The following C6orf141 variants were observed in gnomAD, a reference collection of about 807,000 sequenced individuals.
C6orf141 encodes uncharacterized protein C6orf141.
For synonymous variants in C6orf141, 164 were observed against 140.5 expected, an observed-to-expected ratio of 1.17 and a Z score of -1.18; for missense variants, 361 against 335.8, an observed-to-expected ratio of 1.07 and a Z score of -0.59.
downstream of C6orf141, among the ~76,000 whole-genome samples, chr6:49,555,669 C>T (rs940214531): frequency 1.3e-5 from 2 of 152,118 alleles, no homozygotes; most frequent in Admixed American, 6.5e-5. Flanking sequence ...CCATCACGCC[C>T]GGCTAATTTT....
chr6:49,561,551 ATTATATATGAC>A (rs1212593439), intron 4 of C6orf141, among the ~76,000 whole-genome samples: 1 of 152,264 alleles, frequency 6.6e-6, no homozygotes, highest in Non-Finnish European at 1.5e-5. Flanking sequence ...CTATCCTGCC[ATTATATATGAC>A]TTATTTATGT....
downstream of C6orf141, among the ~76,000 whole-genome samples, chr6:49,552,724 C>T (rs1202402334): frequency 6.6e-6 from 1 of 152,224 alleles, no homozygotes; most frequent in African/African-American, 2.4e-5. Flanking sequence ...GATAAGATGC[C>T]CCTGTTTTAC....
At chr6:49,561,318 C>T (rs541061396) in intron 4 of C6orf141, among the ~76,000 whole-genome samples, 19 of 152,162 alleles carry the variant, frequency 1.2e-4, no homozygotes, top group Admixed American at 2.0e-4. Context: ...AGGCTGGTCT[C>T]AAACTCCTGA....
downstream of C6orf141, among the ~76,000 whole-genome samples, chr6:49,555,743 C>T (rs934996418): frequency 2.6e-5 from 4 of 152,166 alleles, no homozygotes; most frequent in Admixed American, 2.0e-4. Flanking sequence ...CTCCTGATCT[C>T]GTGATCTGTC....
Position 49,559,745 on chromosome 6 carries a change from T to C in C6orf141, c.*764-1959T>C, listed in dbSNP as rs149847084. Among the ~76,000 whole-genome samples, 88 of 152,266 alleles carry C rather than the reference T, an allele frequency of 5.8e-4. 2 individuals are homozygous for C. In the East Asian group the frequency reaches 0.017, roughly 29 times the overall value. ...ACAATTGGGTATCTTGAATTCAGCT[T>C]ACTTGGAAGAGGAAAAAGGAGGCAT... On this transcript the variant is annotated intron_variant and NMD_transcript_variant, in intron 4 of 4. Transcript: ENST00000371194.
intron 4 of C6orf141, among the ~76,000 whole-genome samples, chr6:49,557,841 G>A (rs746746773): frequency 6.6e-5 from 10 of 151,902 alleles, no homozygotes; most frequent in Admixed American, 1.3e-4. Flanking sequence ...CCCACCTTTT[G>A]TTTCAAAGGA....
At chr6:49,555,149 C>A (rs1305324146), downstream of C6orf141, 1 of 152,228 alleles carries the variant, frequency 6.6e-6, no homozygotes, top group Non-Finnish European at 1.5e-5. Flanking sequence ...GCATAACCCC[C>A]AGGATCAGGC....
Position 49,557,708 on chromosome 6 carries a change from G to A in C6orf141, c.*763+2551G>A, listed in dbSNP as rs1379261474. Among the ~76,000 whole-genome samples the A allele has an allele frequency of 2.6e-5, 4 of 151,888 alleles. No homozygotes were observed. In the East Asian group the frequency reaches 7.7e-4, roughly 29 times the overall value. ...CTCTAACTATCAGTCTCTGTGGGAG[G>A]GTGGAAGCCCAGCTTCTCAAAGTGC... On this transcript the variant is annotated intron_variant and NMD_transcript_variant, in intron 4 of 4. Coordinates refer to the C6orf141 transcript ENST00000371194.
downstream of C6orf141, among the ~76,000 whole-genome samples, chr6:49,555,489 C>T (rs1425196138): frequency 2.0e-5 from 3 of 149,502 alleles, no homozygotes; most frequent in Non-Finnish European, 4.4e-5. Flanking sequence ...AGAGACAGCA[C>T]CTTGCTATGT....
rs192162967 is a variant in C6orf141, at chr6:49,559,811, C to G, written c.*764-1893C>G. Among the ~76,000 whole-genome samples the G allele has an allele frequency of 5.9e-5, 9 of 152,274 alleles. No homozygotes were observed. The East Asian group carries it at 1.7e-3, about 29-fold the overall frequency. ...ATTTTTAACAAAGCGAGAGAACTTT[C>G]AGGGAGAACTTCGGAATGCAGTCAG... On this transcript the variant is annotated intron_variant and NMD_transcript_variant, in intron 4 of 4. Transcript: ENST00000371194.
chr6:49,561,870 T>C (rs1168634047), exon 5 of C6orf141: 1 of 151,502 alleles, frequency 6.6e-6, no homozygotes, highest in African/African-American at 2.4e-5. Flanking sequence ...GTTAATTTTT[T>C]TTAAACTAAG....
At chr6:49,553,045 C>T (rs1330735848), downstream of C6orf141, 1 of 152,310 alleles carries the variant, frequency 6.6e-6, no homozygotes, top group African/African-American at 2.4e-5. Flanking sequence ...GATGCTCCTA[C>T]CTCAGCCTCC....
chr6:49,560,373 G>A (rs1420703028), intron 4 of C6orf141, among the ~76,000 whole-genome samples: 4 of 152,178 alleles, frequency 2.6e-5, no homozygotes, highest in Non-Finnish European at 4.4e-5. Context: ...TTCTGTTGGA[G>A]TGGAAGAAGG....
intron 4 of C6orf141, among the ~76,000 whole-genome samples, chr6:49,558,856 C>T (rs557321562): frequency 8.6e-5 from 13 of 151,548 alleles, no homozygotes; most frequent in South Asian, 2.1e-4. Flanking sequence ...TACAGGTGCC[C>T]GCCACCATGC....
At chr6:49,558,771 G>C (rs1284963734) in intron 4 of C6orf141, among the ~76,000 whole-genome samples, 1 of 151,846 alleles carries the variant, frequency 6.6e-6, no homozygotes, top group Admixed American at 6.6e-5. Flanking sequence ...GCAGTGGCAC[G>C]ATCTTGGCTC....
chr6:49,560,170 C>T (rs1425806645), intron 4 of C6orf141, among the ~76,000 whole-genome samples: 1 of 152,060 alleles, frequency 6.6e-6, no homozygotes, highest in Non-Finnish European at 1.5e-5. Flanking sequence ...ACAAAATTAG[C>T]CAGATGCGGT....
Position 49,551,982 on chromosome 6 carries a change from A to G in C6orf141, c.*455A>G. 5.0e-6 allele frequency: 5 copies of G among 1,003,780 alleles called. No homozygotes were observed. Among genetic ancestry groups the G allele is most frequent in the Non-Finnish European group, 6.0e-6 (5 of 831,442 alleles). 62.2% of individuals were successfully genotyped at this position (1,003,780 alleles called of 1,614,324 possible). A position where few individuals can be genotyped will look rare whatever the true frequency, so the allele number is the denominator to read the frequency against. ...TAAAAGCCAAAAACAGAAAGTAAAA[A>G]GAAATGGGAAAGTAAAACCAAAGCA... On this transcript the variant is annotated 3_prime_UTR_variant, in exon 1 of 1. Coordinates refer to ENST00000529246, the MANE Select transcript of C6orf141 (RefSeq NM_001145652.2).
chr6:49,550,827 G>A lies in C6orf141; in HGVS notation c.35G>A (p.Gly12Glu), dbSNP rs1288790663. The A allele has an allele frequency of 2.0e-6, 3 of 1,475,556 alleles. No homozygotes were observed. The highest frequency in any genetic ancestry group is 2.7e-6 in the Non-Finnish European group (3 of 1,116,232). 91.4% of individuals were successfully genotyped at this position (1,475,556 alleles called of 1,614,324 possible). ...NDPFARMETR[G>E]PQGAANPMDS... ...CCTTTTGCCAGGATGGAGACCCGGG[G>A]GCCTCAGGGAGCTGCGAATCCCATG... Residue 12 changes from glycine to glutamate, a missense_variant, in exon 1 of 1, where the codon GGG (glycine) becomes GAG (glutamate). Coordinates refer to ENST00000529246, the MANE Select transcript of C6orf141 (RefSeq NM_001145652.2).
chr6:49,559,988 G>A lies in C6orf141; in HGVS notation c.*764-1716G>A, dbSNP rs759721549. On this transcript the variant is annotated intron_variant and NMD_transcript_variant, in intron 4 of 4. Coordinates refer to the C6orf141 transcript ENST00000371194. ...TTCTATCCTAACTGGGTGGAATAAC[G>A]TACAAAGTTACAAATGAAATAACCT... Among the ~76,000 whole-genome samples the A allele has an allele frequency of 2.6e-4, 39 of 152,128 alleles. 1 individual carries two copies. The highest frequency in any genetic ancestry group is 3.3e-4 in the Admixed American group (5 of 15,264).
Sources: allele counts gnomAD v4.1 joint callset (sites outside exome capture counted in the v4.1 genomes callset), GRCh38; gene constraint gnomAD v4.1.1; transcripts MANE v1.5; gene names NCBI Gene and HGNC (gene_info 2026-07-23, HGNC 2026-07-21).